Variants in IPO7 observed in about 807,000 individuals in gnomAD.
The protein encoded by IPO7 is importin-7.
IPO7 carries 13 observed loss-of-function variants against 136.4 expected under a neutral mutation model. The observed-to-expected ratio is 0.10, with a 90% CI of 0.06 to 0.15. IPO7 has a LOEUF of 0.15. IPO7 is among the 10% of genes least tolerant of loss of function. The pLI, the probability that IPO7 is intolerant of heterozygous loss-of-function variation, is 1.00. For missense variants in IPO7, 857 were observed against 1,240.6 expected (o/e 0.69, Z 4.65); for synonymous variants, 403 against 404.4 (o/e 1.00, Z 0.04).
In IPO7 at chr11:9,414,338, T is replaced by G; in HGVS notation, c.563T>G (p.Leu188Arg). ...GTTCTAAAGGATCGTTTTATCCAGC[T>G]TCTTTCTGACCAGTCTGATCAGTCT... is the stretch of plus-strand genomic sequence containing the variant. ...LPVLKDRFIQLLSDQSDQSVL... is the reference protein window; with the variant it reads ...LPVLKDRFIQRLSDQSDQSVL... The change falls in exon 5 of 25, where the codon CTT becomes CGT. Residue 188 changes from leucine (L) to arginine (R), a missense_variant. This residue lies in a region of IPO7 where 287 missense variants were observed against 307.5 expected (regional missense o/e 0.93). Transcript: ENST00000379719. The G allele has an allele frequency of 6.2e-7, 1 of 1,613,090 alleles. No individual in the cohort carries two copies. Among genetic ancestry groups the G allele is most frequent in the Non-Finnish European group, 8.5e-7 (1 of 1,179,124 alleles).
chr11:9,394,443 T>C (rs1854681554), intron 1 of IPO7, among the ~76,000 whole-genome samples: 1 of 152,200 alleles, frequency 6.6e-6, no homozygotes, highest in Non-Finnish European at 1.5e-5. Flanking sequence ...TTGAGGCCTG[T>C]TGCTACTACC....
At chr11:9,437,103 C>G (rs150670070) in intron 20 of IPO7, among the ~76,000 whole-genome samples, 1,643 of 150,446 alleles carry the variant, frequency 0.011, 43 homozygotes, top group African/African-American at 0.038. Flanking sequence ...CCAGGCTGGT[C>G]TCAAACTCCT....
At chr11:9,442,984 C>G (rs1028957198) in intron 24 of IPO7, among the ~76,000 whole-genome samples, 13 of 151,898 alleles carry the variant, frequency 8.6e-5, no homozygotes, top group African/African-American at 3.1e-4. Flanking sequence ...GATTGCACTA[C>G]TGTTCTCCAT....
chr11:9,442,243 G>A (rs370806323), intron 24 of IPO7, 46 bp downstream of exon 24: 203 of 823,564 alleles, frequency 2.5e-4, no homozygotes, highest in Middle Eastern at 4.6e-4. Context: ...GACTTTTATA[G>A]GTTTAAAATT....
At chr11:9,421,176 G>T (rs1441915523) in intron 8 of IPO7, among the ~76,000 whole-genome samples, 1 of 151,404 alleles carries the variant, frequency 6.6e-6, no homozygotes, top group Non-Finnish European at 1.5e-5. Context: ...GGTCAGGCTG[G>T]TCTTGAACTC....
At chr11:9,431,605 A>G (rs1475317838) in intron 16 of IPO7, among the ~76,000 whole-genome samples, 1 of 152,158 alleles carries the variant, frequency 6.6e-6, no homozygotes, top group Non-Finnish European at 1.5e-5. Flanking sequence ...TTAGGTGATT[A>G]AGAAGTTTTG....
chr11:9,398,289 C>T (rs907190117), intron 1 of IPO7, among the ~76,000 whole-genome samples: 5 of 152,108 alleles, frequency 3.3e-5, no homozygotes, highest in African/African-American at 1.2e-4. Flanking sequence ...CTCAGTGGGG[C>T]TTAGAGTCTA....
rs555649232 is a variant in IPO7 at position 9,438,302 on chromosome 11, GGAA to G, written c.2695+23_2695+25del. 2,624 of 1,425,986 alleles carry G rather than the reference GGAA, an allele frequency of 1.8e-3. 13 individuals carry two copies. The highest frequency in any genetic ancestry group is 6.8e-3 in the South Asian group (593 of 87,510). The allele number at this position is 1,425,986 out of a possible 1,614,324, so 88.3% of individuals were successfully genotyped here. On this transcript the variant is annotated intron_variant, in intron 22 of 24. Transcript: ENST00000379719. Reference sequence around the variant, plus strand: ...ATGAAACCGGTAAGGGATTTTCAATGGAAGAAGACAAAACTTATCTACTTAGAA... The same window carrying G: ...ATGAAACCGGTAAGGGATTTTCAATGGAAGACAAAACTTATCTACTTAGAA...
rs747590254 is a variant in IPO7, at chr11:9,429,803, C to T, written c.1721C>T (p.Thr574Ile). 3.8e-6 allele frequency: 6 copies of T among 1,595,168 alleles called. No homozygotes were observed. In the South Asian group the frequency reaches 4.6e-5, roughly 12 times the overall value. The change falls in exon 15 of 25, where the codon ACT becomes ATT. Residue 574 changes from threonine (T) to isoleucine (I), a missense_variant. Physicochemically the swap from Thr to Ile is moderately conservative, Grantham distance 89. Transcript: ENST00000379719. ...ATCTGTGAATATAGTGAAGAAGTTA[C>T]TCCTATTGCAGTAGAAATGACACAA... ...KMICEYSEEVTPIAVEMTQHL... is the reference protein window; with the variant it reads ...KMICEYSEEVIPIAVEMTQHL...
intron 4 of IPO7, among the ~76,000 whole-genome samples, chr11:9,412,889 A>ATTTTTTTTT (rs1163764184): frequency 7.9e-6 from 1 of 126,354 alleles, no homozygotes; most frequent in Non-Finnish European, 1.7e-5. Flanking sequence ...TGATTGATTG[A>ATTTTTTTTT]TTTTTTTTTT....
chr11:9,395,781 A>G (rs1039420656), intron 1 of IPO7, among the ~76,000 whole-genome samples: 1 of 152,002 alleles, frequency 6.6e-6, no homozygotes, highest in Non-Finnish European at 1.5e-5. Context: ...CAATGGCGCA[A>G]TCTCGGCTCA....
intron 8 of IPO7, among the ~76,000 whole-genome samples, chr11:9,422,419 T>C (rs576442092): frequency 2.6e-5 from 4 of 151,532 alleles, no homozygotes; most frequent in Admixed American, 6.6e-5. Context: ...TTTTTTTTTT[T>C]AAAAAAAGAC....
At chr11:9,423,371 G>T (rs1175411122) in intron 9 of IPO7, among the ~76,000 whole-genome samples, 2 of 152,130 alleles carry the variant, frequency 1.3e-5, no homozygotes, top group African/African-American at 4.8e-5. Context: ...CTTCAAACTT[G>T]CAATTTAAGT....
intron 1 of IPO7, among the ~76,000 whole-genome samples, chr11:9,399,831 A>C (rs1478076922): frequency 6.6e-6 from 1 of 152,188 alleles, no homozygotes; most frequent in Non-Finnish European, 1.5e-5. Context: ...CAATGTTCAC[A>C]TCTAGGGTAG....
At chr11:9,396,167 G>C (rs1854705629) in intron 1 of IPO7, among the ~76,000 whole-genome samples, 1 of 152,060 alleles carries the variant, frequency 6.6e-6, no homozygotes, top group Non-Finnish European at 1.5e-5. Context: ...AGGCCCAGGT[G>C]GGTGGACCAC....
chr11:9,422,297 A>G (rs1467379894), intron 8 of IPO7, among the ~76,000 whole-genome samples: 1 of 152,194 alleles, frequency 6.6e-6, no homozygotes, highest in African/African-American at 2.4e-5. Context: ...AAATAAATAA[A>G]AATACTGTGA....
At chr11:9,440,160 T>C (rs1396592292) in intron 22 of IPO7, among the ~76,000 whole-genome samples, 1 of 152,230 alleles carries the variant, frequency 6.6e-6, no homozygotes, top group Admixed American at 6.5e-5. Flanking sequence ...AGCCAGCCTT[T>C]TAAAAAAAAT....
At chr11:9,410,922 A>C (rs1854960190) in intron 4 of IPO7, among the ~76,000 whole-genome samples, 1 of 152,166 alleles carries the variant, frequency 6.6e-6, no homozygotes, top group Non-Finnish European at 1.5e-5. Flanking sequence ...GTTAGCCTCC[A>C]ATACCCTCTT....
intron 12 of IPO7, among the ~76,000 whole-genome samples, chr11:9,427,291 C>G (rs972514784): frequency 5.3e-5 from 8 of 152,064 alleles, no homozygotes; most frequent in Non-Finnish European, 1.0e-4. Context: ...AATGGAGCCT[C>G]GTTCTGTTAT....
Sources: gnomAD v4.1 joint callset for allele counts (sites outside exome capture counted in the v4.1 genomes callset) on GRCh38, gnomAD v4.1.1 for gene constraint, gnomAD v4.1.1 regional missense constraint, MANE v1.5 for transcripts, NCBI Gene and HGNC (gene_info 2026-07-23, HGNC 2026-07-21) for gene names.